CDH4: variants seen among roughly 807,000 people sequenced by gnomAD.
CDH4 encodes the protein cadherin-4.
A neutral mutation model predicts 86.0 loss-of-function variants in CDH4; 33 were observed. The ratio of observed to expected loss-of-function variants is 0.38; its 90% CI spans 0.29 to 0.51. The LOEUF is 0.51. Among genes scored for constraint, CDH4 ranks in the 20% least tolerant of loss-of-function variants. The pLI, the probability that CDH4 is intolerant of heterozygous loss-of-function variation, is 0.86. For synonymous variants in CDH4, 555 were observed against 549.4 expected, an observed-to-expected ratio of 1.01 and a Z score of -0.14; for missense variants, 1,114 against 1,307.4, an observed-to-expected ratio of 0.85 and a Z score of 2.28.
intron 4 of CDH4, among the ~76,000 whole-genome samples, chr20:61,780,679 C>G (rs930880359): frequency 4.6e-5 from 7 of 152,124 alleles, no homozygotes; most frequent in Non-Finnish European, 8.8e-5. Context: ...ACTATAAATT[C>G]TAGGGGAAAA....
In CDH4 at chr20:61,933,169, TCA is replaced by T. The variant is rs775092364; in HGVS notation, c.2379+47_2379+48del. ...CCGCCTCCCCACGCGAGGCCGGCTC[TCA>T]CGTGTACTAGTGTCTCAGCAGGGAT... On this transcript the variant is annotated intron_variant, in intron 14 of 15. Transcript: ENST00000614565. 17 of 1,597,940 alleles carry T rather than the reference TCA, an allele frequency of 1.1e-5. No individual in the cohort carries two copies. In the African/African-American group the frequency reaches 2.3e-4, roughly 21 times the overall value.
chr20:61,592,161 C>G (rs991990402), intron 2 of CDH4, among the ~76,000 whole-genome samples: 3 of 151,940 alleles, frequency 2.0e-5, no homozygotes, highest in African/African-American at 7.3e-5. Context: ...CAGCCATTTA[C>G]TTTGGTGTGA....
At chr20:61,530,670 T>C (rs1025615246) in intron 2 of CDH4, among the ~76,000 whole-genome samples, 2 of 152,082 alleles carry the variant, frequency 1.3e-5, no homozygotes, top group Non-Finnish European at 2.9e-5. Flanking sequence ...AAAGGGGCTG[T>C]GTCAGAAGTG....
At chr20:61,762,328 C>G (rs562391791) in intron 3 of CDH4, among the ~76,000 whole-genome samples, 22 of 152,368 alleles carry the variant, frequency 1.4e-4, no homozygotes, top group African/African-American at 5.0e-4. Flanking sequence ...TAAAAAAGTT[C>G]TGCTCTCTGA....
At chr20:61,534,661 C>CTTTTTTTTTTT (rs2085981647) in intron 2 of CDH4, among the ~76,000 whole-genome samples, 1 of 89,304 alleles carries the variant, frequency 1.1e-5, no homozygotes, top group African/African-American at 7.6e-5. Flanking sequence ...TTCTTTCTTT[C>CTTTTTTTTTTT]TTTCTTTTTT....
intron 2 of CDH4, among the ~76,000 whole-genome samples, chr20:61,313,767 C>G (rs530858349): frequency 6.6e-6 from 1 of 152,204 alleles, no homozygotes; most frequent in South Asian, 2.1e-4. Flanking sequence ...GACATGGTCT[C>G]GCTCTGTCAC....
At chr20:61,325,878 G>C (rs537606746) in intron 2 of CDH4, among the ~76,000 whole-genome samples, 2 of 152,250 alleles carry the variant, frequency 1.3e-5, no homozygotes, top group South Asian at 4.1e-4. Context: ...CACGGGTGCC[G>C]ACGCAAGTGG....
chr20:61,375,710 T>A (rs1454003216), intron 2 of CDH4, among the ~76,000 whole-genome samples: 3 of 144,580 alleles, frequency 2.1e-5, no homozygotes, highest in African/African-American at 7.7e-5. Flanking sequence ...GTGGTGATGG[T>A]GTAGTTTGTT....
At chr20:61,802,049 A>G (rs951231193) in intron 4 of CDH4, among the ~76,000 whole-genome samples, 3 of 152,232 alleles carry the variant, frequency 2.0e-5, no homozygotes, top group African/African-American at 7.2e-5. Context: ...GCGGGCCTCA[A>G]TCAGGTCTGG....
intron 2 of CDH4, among the ~76,000 whole-genome samples, chr20:61,695,707 G>A (rs1461605212): frequency 6.6e-6 from 1 of 152,224 alleles, no homozygotes; most frequent in Non-Finnish European, 1.5e-5. Context: ...CAGTGTCTGA[G>A]AGAGGAGCTT....
intron 2 of CDH4, among the ~76,000 whole-genome samples, chr20:61,346,944 G>A (rs1341887765): frequency 3.3e-5 from 5 of 152,122 alleles, no homozygotes; most frequent in African/African-American, 1.2e-4. Flanking sequence ...AGGCAGTTCT[G>A]CTTGCTCCCC....
intron 4 of CDH4, among the ~76,000 whole-genome samples, chr20:61,837,388 C>A (rs1343848009): frequency 6.6e-6 from 1 of 152,192 alleles, no homozygotes; most frequent in Non-Finnish European, 1.5e-5. Flanking sequence ...CTTAGGCCAG[C>A]AGTATGATGC....
chr20:61,346,058 G>A (rs781407298), intron 2 of CDH4, among the ~76,000 whole-genome samples: 20 of 152,336 alleles, frequency 1.3e-4, no homozygotes, highest in Non-Finnish European at 2.4e-4. Context: ...AAATGCTCAC[G>A]CGGGACAAAT....
intron 2 of CDH4, among the ~76,000 whole-genome samples, chr20:61,495,532 C>T (rs892293390): frequency 2.6e-5 from 4 of 152,160 alleles, no homozygotes; most frequent in Non-Finnish European, 5.9e-5. Context: ...GTGGGAATGG[C>T]CACTTAAGAA....
intron 5 of CDH4, among the ~76,000 whole-genome samples, chr20:61,850,411 C>A (rs1413991985): frequency 2.6e-5 from 4 of 152,188 alleles, no homozygotes; most frequent in African/African-American, 4.8e-5. Context: ...ACTTCCAAGA[C>A]CCTCATGGAC....
intron 2 of CDH4, among the ~76,000 whole-genome samples, chr20:61,390,582 C>T (rs1200744630): frequency 6.6e-6 from 1 of 151,330 alleles, no homozygotes; most frequent in Non-Finnish European, 1.5e-5. Flanking sequence ...TTCGTGCGGT[C>T]ATAGGGTGCC....
chr20:61,263,420 C>G (rs561123220), intron 2 of CDH4, among the ~76,000 whole-genome samples: 49 of 152,278 alleles, frequency 3.2e-4, no homozygotes, highest in African/African-American at 1.1e-3. Flanking sequence ...TTCCTGGCAA[C>G]CCCCACATCA....
chr20:61,507,929 C>G (rs966468957), intron 2 of CDH4, among the ~76,000 whole-genome samples: 3 of 152,186 alleles, frequency 2.0e-5, no homozygotes, highest in Admixed American at 2.0e-4. Context: ...ATAAAAGGCT[C>G]GCTTTAAAAT....
intron 7 of CDH4, among the ~76,000 whole-genome samples, chr20:61,874,544 G>C (rs1313768777): frequency 2.0e-5 from 3 of 152,176 alleles, no homozygotes; most frequent in Admixed American, 6.5e-5. Flanking sequence ...GGGAGGCCCT[G>C]GGCGGTGGGT....
Sources: allele counts gnomAD v4.1 joint callset (sites outside exome capture counted in the v4.1 genomes callset), GRCh38; gene constraint gnomAD v4.1.1; transcripts MANE v1.5; gene names NCBI Gene and HGNC (gene_info 2026-07-23, HGNC 2026-07-21).